The following SMARCC1 variants were observed in gnomAD, a reference collection of about 807,000 sequenced individuals.
SMARCC1 encodes the protein SWI/SNF complex subunit SMARCC1.
In SMARCC1, 43 loss-of-function variants were observed where a neutral mutation model predicts 147.4. That is an observed-to-expected ratio of 0.29 (90% confidence interval 0.23 to 0.38). The LOEUF is 0.38. Among genes scored for constraint, SMARCC1 ranks in the 10% least tolerant of loss-of-function variants. The pLI, the probability that SMARCC1 is intolerant of heterozygous loss-of-function variation, is 1.00. For missense variants in SMARCC1, 1,119 were observed against 1,381.1 expected, an observed-to-expected ratio of 0.81 and a Z score of 3.01; for synonymous variants, 495 against 484.4, an observed-to-expected ratio of 1.02 and a Z score of -0.29.
intron 24 of SMARCC1, among the ~76,000 whole-genome samples, chr3:47,629,307 T>A (rs1264410570): frequency 6.6e-6 from 1 of 152,196 alleles, no homozygotes; most frequent in Admixed American, 6.5e-5. Flanking sequence ...CTGATTTACA[T>A]AAGATCCGAG....
intron 2 of SMARCC1, among the ~76,000 whole-genome samples, chr3:47,767,051 C>A (rs551476915): frequency 2.0e-5 from 3 of 151,684 alleles, no homozygotes; most frequent in Non-Finnish European, 4.4e-5. Flanking sequence ...GGCGTGGTGG[C>A]GGGCACCTGT....
intron 21 of SMARCC1, among the ~76,000 whole-genome samples, chr3:47,651,916 C>G (rs2033195294): frequency 2.0e-5 from 3 of 152,022 alleles, no homozygotes; most frequent in African/African-American, 7.2e-5. Flanking sequence ...GTGATTATGT[C>G]CAAGAAAGCT....
At position 47,586,573 on chromosome 3, in the gene SMARCC1, T is replaced by C. The variant is rs185324705; in HGVS notation, c.*1636A>G. Reference sequence around the variant, plus strand: ...GGGTTTGAAAGGCAAATCTCAATTGTGGTTTTATTTTTTTGCTTTCTGATA... The same window carrying C: ...GGGTTTGAAAGGCAAATCTCAATTGCGGTTTTATTTTTTTGCTTTCTGATA... On this transcript the variant is annotated 3_prime_UTR_variant, in exon 28 of 28. Coordinates refer to ENST00000254480, the MANE Select transcript of SMARCC1 (RefSeq NM_003074.4). 465 of 152,776 alleles carry C rather than the reference T, an allele frequency of 3.0e-3. 1 individual carries two copies. Among genetic ancestry groups the C allele is most frequent in the Non-Finnish European group, 5.1e-3 (349 of 68,034 alleles). The allele number at this position is 152,776 out of a possible 1,614,324, so 9.5% of individuals were successfully genotyped here. A position where few individuals can be genotyped will look rare whatever the true frequency, so the allele number is the denominator to read the frequency against.
chr3:47,736,228 C>A, intron 4 of SMARCC1, 102 bp from the exon 5 acceptor site: 1 of 625,712 alleles, frequency 1.6e-6, no homozygotes, highest in Non-Finnish European at 2.8e-6. Context: ...TTTTCTGCCA[C>A]AAAAAATATT....
chr3:47,769,084 A>G (rs1263014521), intron 2 of SMARCC1, among the ~76,000 whole-genome samples: 1 of 151,392 alleles, frequency 6.6e-6, no homozygotes, highest in African/African-American at 2.4e-5. Context: ...GGTGGCAGGC[A>G]CCTGTAGTCC....
Position 47,679,689 on chromosome 3 carries a change from C to T in SMARCC1, c.1457+748G>A, listed in dbSNP as rs1463820369. On this transcript the variant is annotated intron_variant, in intron 15 of 27. Transcript: ENST00000254480. ...CAAGCCTGGCCAACATGGTGAAACCCAATCTCTACTAAAAATACAAAAATT... is the reference window on the plus strand; with the variant it reads ...CAAGCCTGGCCAACATGGTGAAACCTAATCTCTACTAAAAATACAAAAATT... Among the ~76,000 whole-genome samples the T allele has an allele frequency of 2.0e-5, 3 of 151,890 alleles. No individual in the cohort carries two copies. The East Asian group carries it at 5.8e-4, about 29-fold the overall frequency.
chr3:47,748,676 G>T (rs2034594174), intron 2 of SMARCC1, among the ~76,000 whole-genome samples: 1 of 152,060 alleles, frequency 6.6e-6, no homozygotes. Flanking sequence ...CATTATGAAG[G>T]TAAAAACAAT....
intron 2 of SMARCC1, among the ~76,000 whole-genome samples, chr3:47,765,095 T>C (rs1012287839): frequency 6.6e-6 from 1 of 151,868 alleles, no homozygotes; most frequent in Non-Finnish European, 1.5e-5. Flanking sequence ...CTACCAAAAA[T>C]GCAAAATTAG....
chr3:47,774,119 A>G (rs1420953647), intron 1 of SMARCC1, among the ~76,000 whole-genome samples: 1 of 152,036 alleles, frequency 6.6e-6, no homozygotes, highest in African/African-American at 2.4e-5. Context: ...TGAGTGGTGT[A>G]TGGTCAAAAT....
At chr3:47,609,748 G>A (rs1224871567) in intron 26 of SMARCC1, among the ~76,000 whole-genome samples, 1 of 152,116 alleles carries the variant, frequency 6.6e-6, no homozygotes, top group Non-Finnish European at 1.5e-5. Flanking sequence ...TGTGTTGTGT[G>A]TATTTATCTT....
chr3:47,725,833 G>A (rs1460424265), intron 6 of SMARCC1, among the ~76,000 whole-genome samples: 9 of 151,510 alleles, frequency 5.9e-5, no homozygotes, highest in Admixed American at 6.6e-5. Flanking sequence ...AGGCTGGGTC[G>A]GGTGAATCAC....
At chr3:47,675,092 C>T (rs191989395) in intron 18 of SMARCC1, among the ~76,000 whole-genome samples, 3 of 152,138 alleles carry the variant, frequency 2.0e-5, no homozygotes, top group Admixed American at 6.5e-5. Context: ...CCCCTCCCTA[C>T]CTCAATCCAA....
intron 11 of SMARCC1, among the ~76,000 whole-genome samples, chr3:47,696,678 C>A (rs1478983188): frequency 1.3e-5 from 2 of 151,796 alleles, no homozygotes; most frequent in African/African-American, 4.8e-5. Context: ...ACCACCACAC[C>A]CGGCTAATTT....
rs533387950 is a variant in SMARCC1, at chr3:47,719,165, T to C, written c.716+1501A>G. Reference sequence around the variant, plus strand: ...TCCTGACCTCGTGATCCGCCCGCCTTGGCCTCCCAAAGTACTGGGATTACA... The same window carrying C: ...TCCTGACCTCGTGATCCGCCCGCCTCGGCCTCCCAAAGTACTGGGATTACA... On this transcript the variant is annotated intron_variant, in intron 7 of 27. Coordinates refer to ENST00000254480, the MANE Select transcript of SMARCC1 (RefSeq NM_003074.4). 1.0e-3 allele frequency among the ~76,000 whole-genome samples: 154 copies of C among 151,896 alleles called. 4 individuals are homozygous for C. In the South Asian group the frequency reaches 0.031, roughly 30 times the overall value.
intron 2 of SMARCC1, among the ~76,000 whole-genome samples, chr3:47,769,733 T>G (rs2034884967): frequency 6.6e-6 from 1 of 151,956 alleles, no homozygotes; most frequent in African/African-American, 2.4e-5. Context: ...TATAAAGTAT[T>G]TGTTTGTATT....
At chr3:47,780,192 G>A (rs1414208171) in intron 1 of SMARCC1, among the ~76,000 whole-genome samples, 2 of 13,928 alleles carry the variant, frequency 1.4e-4, no homozygotes, top group African/African-American at 5.1e-4. Flanking sequence ...TTTTTTTTTG[G>A]AGACAGTCTT....
At chr3:47,637,312 C>T (rs1182582485) in intron 22 of SMARCC1, among the ~76,000 whole-genome samples, 1 of 152,306 alleles carries the variant, frequency 6.6e-6, no homozygotes, top group African/African-American at 2.4e-5. Context: ...TAACTATATA[C>T]AATTTTAGAA....
intron 18 of SMARCC1, among the ~76,000 whole-genome samples, chr3:47,674,472 A>AT (rs2033543759): frequency 1.3e-5 from 2 of 152,114 alleles, no homozygotes; most frequent in South Asian, 2.1e-4. Flanking sequence ...GGCTTTGATC[A>AT]TTTTTGTTGA....
At chr3:47,732,389 C>T (rs1480288761) in intron 5 of SMARCC1, among the ~76,000 whole-genome samples, 1 of 152,198 alleles carries the variant, frequency 6.6e-6, no homozygotes. Flanking sequence ...CTATCATTTG[C>T]ATGTTCACTA....
Sources: allele counts gnomAD v4.1 joint callset (sites outside exome capture counted in the v4.1 genomes callset), GRCh38; gene constraint gnomAD v4.1.1; transcripts MANE v1.5; gene names NCBI Gene and HGNC (gene_info 2026-07-23, HGNC 2026-07-21).